ARFIP1: variants seen among roughly 807,000 people sequenced by gnomAD.
ARFIP1 encodes arfaptin-1.
A neutral mutation model predicts 42.5 loss-of-function variants in ARFIP1; 24 were observed. The ratio of observed to expected loss-of-function variants is 0.57; its 90% CI spans 0.41 to 0.80. ARFIP1 has a LOEUF of 0.80. ARFIP1 is among the 30% of genes least tolerant of loss of function. ARFIP1 has a pLI of 0.00. For missense variants in ARFIP1, 354 were observed against 434.0 expected, an observed-to-expected ratio of 0.82 and a Z score of 1.64; for synonymous variants, 141 against 153.7, an observed-to-expected ratio of 0.92 and a Z score of 0.61.
At chr4:152,835,205 C>A (rs1252210550) in intron 2 of ARFIP1, among the ~76,000 whole-genome samples, 4 of 152,218 alleles carry the variant, frequency 2.6e-5, no homozygotes, top group Admixed American at 2.6e-4. Flanking sequence ...GGCCAGCCTG[C>A]AAATTTTCCA....
intron 1 of ARFIP1, among the ~76,000 whole-genome samples, chr4:152,792,267 A>G (rs997982663): frequency 2.6e-5 from 4 of 152,180 alleles, no homozygotes; most frequent in African/African-American, 2.4e-5. Flanking sequence ...TTTTTACTAA[A>G]GTACCTTTAG....
At chr4:152,790,920 T>C (rs537930384) in intron 1 of ARFIP1, among the ~76,000 whole-genome samples, 2 of 150,970 alleles carry the variant, frequency 1.3e-5, no homozygotes, top group African/African-American at 4.9e-5. Context: ...TTTTTTTTTA[T>C]AGAGACGAGG....
At chr4:152,873,180 G>T (rs924216750) in intron 5 of ARFIP1, among the ~76,000 whole-genome samples, 2 of 152,140 alleles carry the variant, frequency 1.3e-5, no homozygotes, top group African/African-American at 4.8e-5. Context: ...TTTTAACAGG[G>T]ACAAGACTGT....
At chr4:152,889,781 T>C (rs1261337192) in intron 8 of ARFIP1, among the ~76,000 whole-genome samples, 2 of 22,400 alleles carry the variant, frequency 8.9e-5, no homozygotes, top group East Asian at 2.4e-3. Flanking sequence ...ATACTATATA[T>C]ACTATATATT....
At chr4:152,824,732 A>G (rs1476343242) in intron 1 of ARFIP1, among the ~76,000 whole-genome samples, 2 of 152,232 alleles carry the variant, frequency 1.3e-5, no homozygotes, top group African/African-American at 4.8e-5. Context: ...GGGCATCCAA[A>G]TTGGAAAAGA....
chr4:152,835,969 C>T (rs114854826), intron 2 of ARFIP1, among the ~76,000 whole-genome samples: 1,980 of 152,178 alleles, frequency 0.013, 51 homozygotes, highest in African/African-American at 0.045. Context: ...CTCATGTGGA[C>T]TGGGTGAGAA....
chr4:152,891,223 A>T (rs1432568784), intron 8 of ARFIP1, among the ~76,000 whole-genome samples: 1 of 152,254 alleles, frequency 6.6e-6, no homozygotes, highest in African/African-American at 2.4e-5. Context: ...GGACACAAAC[A>T]TTCAGACTGC....
At chr4:152,797,097 T>G (rs1731517281) in intron 1 of ARFIP1, among the ~76,000 whole-genome samples, 1 of 152,252 alleles carries the variant, frequency 6.6e-6, no homozygotes, top group African/African-American at 2.4e-5. Context: ...GTACTTTCTC[T>G]GGTTTCATAT....
At chr4:152,877,834 T>A (rs534252437) in intron 5 of ARFIP1, among the ~76,000 whole-genome samples, 1 of 152,258 alleles carries the variant, frequency 6.6e-6, no homozygotes, top group South Asian at 2.1e-4. Flanking sequence ...GTTTCCGATT[T>A]TGCTTCTTTC....
intron 1 of ARFIP1, among the ~76,000 whole-genome samples, chr4:152,820,321 G>C (rs778113140): frequency 6.6e-6 from 1 of 152,070 alleles, no homozygotes; most frequent in Non-Finnish European, 1.5e-5. Context: ...TAAAATACTG[G>C]GGAAAAAAAT....
intron 2 of ARFIP1, among the ~76,000 whole-genome samples, chr4:152,850,174 T>C (rs1732868833): frequency 6.6e-6 from 1 of 152,228 alleles, no homozygotes; most frequent in Admixed American, 6.5e-5. Context: ...TTAAGTGTTT[T>C]ACAATTTATA....
intron 2 of ARFIP1, among the ~76,000 whole-genome samples, chr4:152,853,902 A>G (rs1352462972): frequency 2.0e-5 from 2 of 99,392 alleles, no homozygotes; most frequent in Non-Finnish European, 4.2e-5. Flanking sequence ...AAGTTCTGAG[A>G]TTCTTTTTTT....
intron 1 of ARFIP1, among the ~76,000 whole-genome samples, chr4:152,817,766 CT>C (rs1183540023): frequency 2.6e-5 from 4 of 152,138 alleles, no homozygotes; most frequent in African/African-American, 7.2e-5. Flanking sequence ...CAAAAACCCC[CT>C]AACAACCCAA....
intron 5 of ARFIP1, 44 bp from the exon 6 acceptor site, chr4:152,880,914 ATTTTG>A (rs1393990469): frequency 6.8e-7 from 1 of 1,465,120 alleles, no homozygotes; most frequent in Non-Finnish European, 9.5e-7. Context: ...TAGCATTTAT[ATTTTG>A]TTTTGTTTTT....
intron 1 of ARFIP1, among the ~76,000 whole-genome samples, chr4:152,811,824 A>G (rs370853151): frequency 9.2e-5 from 14 of 152,306 alleles, no homozygotes; most frequent in African/African-American, 1.4e-4. Context: ...GGGAGATAAC[A>G]TGGAGCTTTT....
At chr4:152,870,728 A>C in intron 3 of ARFIP1, 25 bp from the exon 4 acceptor site, 1 of 1,546,476 alleles carries the variant, frequency 6.5e-7, no homozygotes, top group South Asian at 1.1e-5. Flanking sequence ...AAGGATTTTC[A>C]CAGTTAAAAT....
At position 152,827,565 on chromosome 4, in the gene ARFIP1, T is replaced by C. The variant is rs149647813; in HGVS notation, c.-9-2060T>C. On this transcript the variant is annotated intron_variant, in intron 1 of 8. Coordinates refer to ENST00000353617, the MANE Select transcript of ARFIP1 (RefSeq NM_001025595.3). ...AAAACCCTCTGTGTTCAGCCTGTTC[T>C]TCCTTCCTCACTAACTTCTAGCACC... 3.3e-5 allele frequency among the ~76,000 whole-genome samples: 5 copies of C among 152,356 alleles called. No individual in the cohort carries two copies. In the East Asian group the frequency reaches 9.6e-4, roughly 29 times the overall value.
Position 152,804,485 on chromosome 4 carries a change from T to C in ARFIP1, c.-10+24259T>C, listed in dbSNP as rs1164643287. On this transcript the variant is annotated intron_variant, in intron 1 of 8. Transcript: ENST00000353617. ...AATATATAATATATATAATATATAT[T>C]ATTTATATATATATAATATATATAT... Among the ~76,000 whole-genome samples, 4 of 95,556 alleles carry C rather than the reference T, an allele frequency of 4.2e-5. 1 individual carries two copies. The South Asian group carries it at 1.2e-3, about 28-fold the overall frequency. 62.7% of individuals were successfully genotyped at this position (95,556 alleles called of 152,430 possible).
chr4:152,880,665 T>C (rs969127336), intron 5 of ARFIP1, among the ~76,000 whole-genome samples: 1 of 152,228 alleles, frequency 6.6e-6, no homozygotes, highest in Non-Finnish European at 1.5e-5. Flanking sequence ...ATGCCAAATA[T>C]CTCTGTTTTA....
Sources: allele counts gnomAD v4.1 joint callset (sites outside exome capture counted in the v4.1 genomes callset), GRCh38; gene constraint gnomAD v4.1.1; transcripts MANE v1.5; gene names NCBI Gene and HGNC (gene_info 2026-07-23, HGNC 2026-07-21).